Variants in MLLT10 observed in about 807,000 individuals in gnomAD.
MLLT10 encodes MLLT10 histone lysine methyltransferase DOT1L cofactor, also known as protein AF-10.
In MLLT10, 30 loss-of-function variants were observed where a neutral mutation model predicts 129.1. The observed-to-expected ratio is 0.23, with a 90% CI of 0.17 to 0.32. The LOEUF (loss-of-function observed/expected upper bound fraction) is 0.32, where lower values mean the gene tolerates loss of function less well. MLLT10 is among the 10% of genes least tolerant of loss of function. The probability of loss-of-function intolerance (pLI) is 1.00; values close to 1 mark genes in which losing one functional copy is unlikely to be tolerated. For missense variants in MLLT10, 1,119 were observed against 1,268.3 expected, an observed-to-expected ratio of 0.88 and a Z score of 1.79; for synonymous variants, 490 against 446.4, an observed-to-expected ratio of 1.10 and a Z score of -1.23.
intron 5 of MLLT10, among the ~76,000 whole-genome samples, chr10:21,596,648 A>AAT (rs2043042635): frequency 6.6e-6 from 1 of 151,864 alleles, no homozygotes; most frequent in South Asian, 2.1e-4. Context: ...AAAAAAAAAA[A>AAT]ATATTAAAAT....
intron 8 of MLLT10, among the ~76,000 whole-genome samples, chr10:21,640,347 T>TAC (rs374264113): frequency 1.4e-4 from 20 of 146,928 alleles, no homozygotes; most frequent in South Asian, 2.1e-4. Flanking sequence ...AAAATATATA[T>TAC]ACACACACAT....
chr10:21,545,075 A>T (rs61850021), intron 3 of MLLT10, among the ~76,000 whole-genome samples: 1 of 151,936 alleles, frequency 6.6e-6, no homozygotes, highest in Non-Finnish European at 1.5e-5. Flanking sequence ...AACCTGGGAG[A>T]TGGAGGTTGT....
At chr10:21,657,944 T>C (rs1166094548) in intron 9 of MLLT10, among the ~76,000 whole-genome samples, 1 of 152,186 alleles carries the variant, frequency 6.6e-6, no homozygotes, top group African/African-American at 2.4e-5. Flanking sequence ...TTTGAAGTTA[T>C]AATGAAATCC....
intron 3 of MLLT10, 39 bp downstream of exon 3, chr10:21,538,951 T>A: frequency 6.8e-7 from 1 of 1,475,210 alleles, no homozygotes; most frequent in Non-Finnish European, 9.5e-7. Context: ...CTTTAGTGAG[T>A]AGGTTAGGAA....
intron 4 of MLLT10, among the ~76,000 whole-genome samples, chr10:21,594,799 A>G (rs1460125578): frequency 2.7e-5 from 4 of 146,186 alleles, no homozygotes; most frequent in East Asian, 2.1e-4. Context: ...GCGCCATTGC[A>G]CTCCAGCCTG....
At chr10:21,712,224 T>TTTATTTATTTA (rs2056167004) in intron 13 of MLLT10, among the ~76,000 whole-genome samples, 2 of 26,716 alleles carry the variant, frequency 7.5e-5, no homozygotes, top group Non-Finnish European at 1.3e-4. Flanking sequence ...TTATTTATTT[T>TTTATTTATTTA]TAAAGACAGA....
At chr10:21,602,854 C>T (rs929940927) in intron 5 of MLLT10, among the ~76,000 whole-genome samples, 18 of 151,834 alleles carry the variant, frequency 1.2e-4, no homozygotes, top group Non-Finnish European at 1.9e-4. Context: ...CTCAGCCTCC[C>T]GAGTAGCTGG....
intron 7 of MLLT10, among the ~76,000 whole-genome samples, chr10:21,615,263 G>C (rs1468930728): frequency 6.6e-6 from 1 of 151,782 alleles, no homozygotes; most frequent in Non-Finnish European, 1.5e-5. Context: ...TTGGAGACCA[G>C]CCTGACCAGC....
At chr10:21,738,624 C>G (rs2058578560) in intron 21 of MLLT10, 1 of 1,150,328 alleles carries the variant, frequency 8.7e-7, no homozygotes, top group Admixed American at 3.5e-5. Flanking sequence ...CTCTGCTTCC[C>G]CCAGATGACT....
intron 8 of MLLT10, among the ~76,000 whole-genome samples, chr10:21,630,747 A>G (rs750157741): frequency 1.5e-4 from 23 of 152,350 alleles, no homozygotes; most frequent in Admixed American, 2.6e-4. Flanking sequence ...ACCAGCATCT[A>G]TGAAACTGTG....
chr10:21,551,914 C>T, intron 3 of MLLT10: 1 of 321,894 alleles, frequency 3.1e-6, no homozygotes, highest in Admixed American at 4.5e-5. Context: ...CCTGCCTCAG[C>T]CTCCCAAGTA....
intron 14 of MLLT10, among the ~76,000 whole-genome samples, chr10:21,724,470 T>C (rs1476250082): frequency 6.6e-6 from 1 of 152,250 alleles, no homozygotes; most frequent in African/African-American, 2.4e-5. Flanking sequence ...CATCTTTTGT[T>C]CTTGTTATTC....
At chr10:21,704,105 G>A (rs1455962082) in intron 13 of MLLT10, among the ~76,000 whole-genome samples, 1 of 134,340 alleles carries the variant, frequency 7.4e-6, no homozygotes, top group Non-Finnish European at 1.5e-5. Flanking sequence ...TGCCCCCTAG[G>A]TTCAAGTGAT....
intron 3 of MLLT10, among the ~76,000 whole-genome samples, chr10:21,541,710 T>C (rs897654524): frequency 2.0e-5 from 3 of 152,080 alleles, no homozygotes; most frequent in Non-Finnish European, 4.4e-5. Flanking sequence ...AATGAGGTCT[T>C]GCTTTGTTGA....
At chr10:21,688,600 T>C (rs1236979647) in intron 13 of MLLT10, 2 of 1,448,972 alleles carry the variant, frequency 1.4e-6, no homozygotes, top group East Asian at 4.6e-5. Flanking sequence ...CTATTGTAGC[T>C]TGGAAACCTT....
chr10:21,724,241 C>T (rs996851573), intron 14 of MLLT10, among the ~76,000 whole-genome samples: 4 of 152,206 alleles, frequency 2.6e-5, no homozygotes, highest in South Asian at 2.1e-4. Flanking sequence ...ATAAAATACA[C>T]GCTTTGAGAT....
intron 14 of MLLT10, 97 bp downstream of exon 14, chr10:21,714,047 A>T (rs574787076): frequency 1.0e-6 from 1 of 992,112 alleles, no homozygotes; most frequent in Admixed American, 3.2e-5. Flanking sequence ...AGGGCCTTCT[A>T]TAGGAATTTA....
chr10:21,673,917 C>A lies in MLLT10; in HGVS notation c.1619C>A (p.Ser540Ter). ...SLSVGSSPVGSEISMQYRHDG... is the reference protein window; with the variant it reads ...SLSVGSSPVG ...AGTGTTGGCTCATCTCCAGTTGGTT[C>A]AGGTAGGGGTTTGCCTATTATTATT... Residue 540 changes from serine to a stop codon, truncating the protein, a stop_gained and splice_region_variant, in exon 11 of 23, where the codon TCA becomes TAA. Transcript: ENST00000307729. LOFTEE classifies it high-confidence loss of function. 6.3e-7 allele frequency: 1 copy of A among 1,576,072 alleles called. No homozygotes were observed. Among genetic ancestry groups the A allele is most frequent in the South Asian group, 1.2e-5 (1 of 84,826 alleles).
intron 9 of MLLT10, among the ~76,000 whole-genome samples, chr10:21,658,206 G>A (rs971712189): frequency 1.2e-4 from 19 of 152,136 alleles, no homozygotes; most frequent in South Asian, 2.1e-4. Flanking sequence ...ACACATTAGT[G>A]AAACTACCAC....
Sources: allele counts gnomAD v4.1 joint callset (sites outside exome capture counted in the v4.1 genomes callset), GRCh38; gene constraint gnomAD v4.1.1; transcripts MANE v1.5; gene names NCBI Gene and HGNC (gene_info 2026-07-23, HGNC 2026-07-21).